Variants in PCCA observed in about 807,000 individuals in gnomAD.
The protein encoded by PCCA is propionyl-CoA carboxylase subunit alpha.
In PCCA, 74 loss-of-function variants were observed where a neutral mutation model predicts 101.3. That is an observed-to-expected ratio of 0.73 (90% CI 0.61 to 0.89). The LOEUF (loss-of-function observed/expected upper bound fraction) is 0.89. Ranked by LOEUF, PCCA falls within the 40% of genes least tolerant of loss-of-function variation. PCCA has a pLI of 0.00. For synonymous variants in PCCA, 294 were observed against 313.6 expected, an observed-to-expected ratio of 0.94 and a Z score of 0.66; for missense variants, 891 against 907.0, an observed-to-expected ratio of 0.98 and a Z score of 0.23.
intron 2 of PCCA, among the ~76,000 whole-genome samples, chr13:100,111,557 A>C (rs551089918): frequency 7.2e-5 from 11 of 152,340 alleles, no homozygotes; most frequent in African/African-American, 2.4e-4. Flanking sequence ...TTAACCTACT[A>C]TGCTTTAACA....
chr13:100,323,478 T>C lies in PCCA; in HGVS notation c.1430-7083T>C, dbSNP rs577545474. On this transcript the variant is annotated intron_variant, in intron 16 of 23. Transcript: ENST00000376285. ...GATTACAGGCGCCTGCCACCACGCC[T>C]GGCTAATTATTGTATTTTTAGTAGA... Among the ~76,000 whole-genome samples, 161 of 152,214 alleles carry C rather than the reference T, an allele frequency of 1.1e-3. 2 individuals carry two copies. The highest frequency in any genetic ancestry group is 6.8e-3 in the Middle Eastern group (2 of 294).
intron 21 of PCCA, among the ~76,000 whole-genome samples, chr13:100,489,201 G>T (rs868392912): frequency 1.3e-5 from 2 of 152,104 alleles, no homozygotes; most frequent in Non-Finnish European, 2.9e-5. Context: ...CCAGCTACTC[G>T]GGAGGCTGAG....
intron 6 of PCCA, among the ~76,000 whole-genome samples, chr13:100,192,431 A>C (rs996318795): frequency 6.6e-6 from 1 of 152,210 alleles, no homozygotes; most frequent in Non-Finnish European, 1.5e-5. Flanking sequence ...GAATGAATAC[A>C]TGACTGTGTT....
At chr13:100,339,872 G>A (rs1390194039) in intron 17 of PCCA, among the ~76,000 whole-genome samples, 1 of 152,050 alleles carries the variant, frequency 6.6e-6, no homozygotes, top group Non-Finnish European at 1.5e-5. Flanking sequence ...CTGTGTGGAT[G>A]GTTTTTTCTT....
chr13:100,183,582 A>G (rs2056989983), intron 6 of PCCA, among the ~76,000 whole-genome samples: 1 of 152,170 alleles, frequency 6.6e-6, no homozygotes, highest in Non-Finnish European at 1.5e-5. Context: ...CGAAGGTGGC[A>G]TTTGAAGTAG....
chr13:100,446,005 T>G (rs1357729850), intron 20 of PCCA, among the ~76,000 whole-genome samples: 1 of 152,212 alleles, frequency 6.6e-6, no homozygotes, highest in East Asian at 1.9e-4. Flanking sequence ...TTTTCCATAA[T>G]GGCTGAATCT....
intron 21 of PCCA, among the ~76,000 whole-genome samples, chr13:100,460,672 TTAG>T (rs747041150): frequency 2.0e-5 from 3 of 152,196 alleles, no homozygotes; most frequent in Non-Finnish European, 4.4e-5. Context: ...AGTGATAATA[TTAG>T]TAGAATAAAC....
chr13:100,526,663 C>T (rs996932867), intron 22 of PCCA, among the ~76,000 whole-genome samples: 1 of 152,258 alleles, frequency 6.6e-6, no homozygotes, highest in African/African-American at 2.4e-5. Context: ...AGCCATTGCC[C>T]TAGGAACCTG....
At chr13:100,134,996 C>CCTCCCAAATAG (rs2050987303) in intron 4 of PCCA, among the ~76,000 whole-genome samples, 1 of 151,414 alleles carries the variant, frequency 6.6e-6, no homozygotes, top group South Asian at 2.1e-4. Context: ...CCCACCACAG[C>CCTCCCAAATAG]CTCCCAAATA....
At chr13:100,296,376 A>T (rs2065526595) in intron 12 of PCCA, among the ~76,000 whole-genome samples, 1 of 150,486 alleles carries the variant, frequency 6.6e-6, no homozygotes, top group Admixed American at 6.6e-5. Flanking sequence ...AATTAGCGGG[A>T]CTACAGGCAT....
intron 19 of PCCA, among the ~76,000 whole-genome samples, chr13:100,378,665 A>G (rs1486883963): frequency 6.6e-6 from 1 of 152,068 alleles, no homozygotes; most frequent in African/African-American, 2.4e-5. Flanking sequence ...ATTATTTCAA[A>G]AGACTTCTCT....
Position 100,413,389 on chromosome 13 carries a change from G to A in PCCA, c.1747-12244G>A, listed in dbSNP as rs142359769. ...TGGGATTTATTGGAGGACATCAGTG[G>A]TAGCAAAATACATATGAAAAGCAAA... On this transcript the variant is annotated intron_variant, in intron 19 of 23. Transcript: ENST00000376285. Among the ~76,000 whole-genome samples, 29 of 152,234 alleles carry A rather than the reference G, an allele frequency of 1.9e-4. No homozygotes were observed. In the East Asian group the frequency reaches 5.6e-3, roughly 29 times the overall value.
intron 6 of PCCA, among the ~76,000 whole-genome samples, chr13:100,168,791 A>G (rs906142288): frequency 6.6e-6 from 1 of 152,050 alleles, no homozygotes; most frequent in Admixed American, 6.6e-5. Context: ...CTTCCTTACC[A>G]ATGACCAGTT....
At chr13:100,300,560 A>G (rs1473853025) in intron 12 of PCCA, among the ~76,000 whole-genome samples, 1 of 152,210 alleles carries the variant, frequency 6.6e-6, no homozygotes, top group East Asian at 1.9e-4. Context: ...TTTTATGAGA[A>G]AAAAATGACA....
chr13:100,303,779 C>G (rs944408905), intron 14 of PCCA, among the ~76,000 whole-genome samples: 1 of 152,066 alleles, frequency 6.6e-6, no homozygotes, highest in Admixed American at 6.5e-5. Context: ...ATTTATTTCA[C>G]TTTTTAAATT....
intron 6 of PCCA, among the ~76,000 whole-genome samples, chr13:100,204,614 T>C (rs1217615988): frequency 6.6e-6 from 1 of 152,242 alleles, no homozygotes; most frequent in Non-Finnish European, 1.5e-5. Flanking sequence ...CAATGATTCT[T>C]TCTGTCCTTC....
intron 10 of PCCA, among the ~76,000 whole-genome samples, chr13:100,263,807 A>G (rs9557404): frequency 0.91 from 135,957 of 150,178 alleles, 62,636 homozygotes; most frequent in East Asian, 1. Flanking sequence ...TCATATATAC[A>G]GTATCTGTAT....
In PCCA at chr13:100,307,249, A is replaced by G. The variant is rs767060690; in HGVS notation, c.1342A>G (p.Met448Val). The change falls in exon 15 of 24, where the codon ATG (methionine) becomes GTG (valine). Residue 448 changes from methionine to valine, a missense_variant. Physicochemically the swap from Met to Val is conservative, Grantham distance 21 (BLOSUM62 1). Coordinates refer to ENST00000376285, the MANE Select transcript of PCCA (RefSeq NM_000282.4). ...GSDISIYYDP[M>V]ISKLITYGSD... ...TGATATTAGCATTTATTATGATCCTATGATTTCAAAAGTTAGTTTAATTTC... is the reference window on the plus strand; with the variant it reads ...TGATATTAGCATTTATTATGATCCTGTGATTTCAAAAGTTAGTTTAATTTC... The G allele has an allele frequency of 2.6e-5, 41 of 1,599,400 alleles. No homozygotes were observed. The Middle Eastern group carries it at 8.3e-4, about 32-fold the overall frequency.
At chr13:100,478,440 C>T (rs185337413) in intron 21 of PCCA, among the ~76,000 whole-genome samples, 6 of 152,246 alleles carry the variant, frequency 3.9e-5, no homozygotes, top group African/African-American at 4.8e-5. Flanking sequence ...TGATGCTGGG[C>T]GGGTGCCTGG....
Sources: gnomAD v4.1 joint callset for allele counts (sites outside exome capture counted in the v4.1 genomes callset) on GRCh38, gnomAD v4.1.1 for gene constraint, MANE v1.5 for transcripts, NCBI Gene and HGNC (gene_info 2026-07-23, HGNC 2026-07-21) for gene names.